EDEM1: variants seen among roughly 807,000 people sequenced by gnomAD.
The protein encoded by EDEM1 is ER degradation enhancing alpha-mannosidase like protein 1, also known as ER degradation-enhancing alpha-mannosidase-like protein 1.
EDEM1 carries 67 observed loss-of-function variants against 74.4 expected under a neutral mutation model. That is an observed-to-expected ratio of 0.90 (90% confidence interval 0.74 to 1.10). EDEM1 has a LOEUF of 1.10. EDEM1 is among the 50% of genes least tolerant of loss of function. The pLI is 0.00. For missense variants in EDEM1, 926 were observed against 851.6 expected (o/e 1.09, Z -1.09); for synonymous variants, 382 against 335.9 (o/e 1.14, Z -1.50).
chr3:5,215,461 C>T (rs1162691645), intron 11 of EDEM1, among the ~76,000 whole-genome samples: 1 of 152,172 alleles, frequency 6.6e-6, no homozygotes, highest in East Asian at 1.9e-4. Flanking sequence ...CAGTCCTGGC[C>T]ACGAAGCAGT....
At chr3:5,205,332 G>C (rs543571282) in intron 6 of EDEM1, 91 bp downstream of exon 6, 3 of 1,335,910 alleles carry the variant, frequency 2.2e-6, no homozygotes, top group Non-Finnish European at 3.1e-6. Context: ...ACAATCACAG[G>C]GTCTGTTTAT....
rs529426031 is a variant in EDEM1, at chr3:5,219,429, G to T, written c.*3511G>T. 2.0e-5 allele frequency: 3 copies of T among 152,266 alleles called. No individual in the cohort carries two copies. The East Asian group carries it at 5.8e-4, about 30-fold the overall frequency. The allele number at this position is 152,266 out of a possible 1,614,324, so 9.4% of individuals were successfully genotyped here. ...CCTATTCTAGTGCCTCTTCCCTGCA[G>T]GGCAGGGACCCCTTGGGAAATCGAG... On this transcript the variant is annotated 3_prime_UTR_variant, in exon 12 of 12. Transcript: ENST00000256497.
In EDEM1 at chr3:5,219,248, T is replaced by A. The variant is rs1463340632; in HGVS notation, c.*3330T>A. The A allele has an allele frequency of 2.0e-5, 3 of 152,218 alleles. No individual in the cohort carries two copies. Among genetic ancestry groups the A allele is most frequent in the Non-Finnish European group, 2.9e-5 (2 of 68,038 alleles). The allele number at this position is 152,218 out of a possible 1,614,324, so 9.4% of individuals were successfully genotyped here. A position where few individuals can be genotyped will look rare whatever the true frequency, so the allele number is the denominator to read the frequency against. ...GGGCACCAGGGGCCTTTCTCTTTGA[T>A]AAATTTTTTTTGTCTGTTGACAAAA... On this transcript the variant is annotated 3_prime_UTR_variant, in exon 12 of 12. Coordinates refer to ENST00000256497, the MANE Select transcript of EDEM1 (RefSeq NM_014674.3).
intron 8 of EDEM1, among the ~76,000 whole-genome samples, chr3:5,209,806 G>A (rs1229535666): frequency 6.6e-6 from 1 of 152,204 alleles, no homozygotes; most frequent in Non-Finnish European, 1.5e-5. Context: ...CTGTGCCTGT[G>A]TCTTAAGTTT....
Position 5,187,746 on chromosome 3 carries a change from G to A in EDEM1, c.-60G>A, listed in dbSNP as rs182658625. ...CCGGGCTACGGGGCGAGCGCGGGGTGCGGTGGTCGGCGGGGAGGCCCCCGC... is the reference window on the plus strand; with the variant it reads ...CCGGGCTACGGGGCGAGCGCGGGGTACGGTGGTCGGCGGGGAGGCCCCCGC... On this transcript the variant is annotated 5_prime_UTR_variant, in exon 1 of 12. Coordinates refer to ENST00000256497, the MANE Select transcript of EDEM1 (RefSeq NM_014674.3). 3,831 of 1,453,582 alleles carry A rather than the reference G, an allele frequency of 2.6e-3. 94 individuals carry two copies. The African/African-American group carries it at 0.05, about 19-fold the overall frequency. The allele number at this position is 1,453,582 out of a possible 1,614,324, so 90.0% of individuals were successfully genotyped here.
chr3:5,202,857 C>T (rs550055613), intron 4 of EDEM1, 109 bp from the exon 5 acceptor site: 384 of 915,694 alleles, frequency 4.2e-4, no homozygotes, highest in Non-Finnish European at 5.4e-4. Context: ...GGCAGACTCT[C>T]ACCGTGGTAA....
intron 3 of EDEM1, among the ~76,000 whole-genome samples, chr3:5,200,986 T>C (rs1013299391): frequency 6.6e-6 from 1 of 151,750 alleles, no homozygotes; most frequent in African/African-American, 2.4e-5. Flanking sequence ...AGCCTTGAAC[T>C]CCTGGGCTCA....
At chr3:5,204,303 T>C (rs976772044) in intron 5 of EDEM1, among the ~76,000 whole-genome samples, 4 of 152,174 alleles carry the variant, frequency 2.6e-5, no homozygotes, top group African/African-American at 9.7e-5. Context: ...TTCCAGGTTG[T>C]TGCCTTGCAT....
At chr3:5,200,978 C>A (rs1157453173) in intron 3 of EDEM1, among the ~76,000 whole-genome samples, 1 of 150,904 alleles carries the variant, frequency 6.6e-6, no homozygotes, top group Admixed American at 6.6e-5. Context: ...CTCACTGCAG[C>A]CTTGAACTCC....
chr3:5,197,579 T>C (rs928247503), intron 2 of EDEM1, among the ~76,000 whole-genome samples: 5 of 152,228 alleles, frequency 3.3e-5, no homozygotes, highest in Non-Finnish European at 5.9e-5. Context: ...CTGGTAAACA[T>C]CTGTAAGGAA....
chr3:5,217,997 T>C lies in EDEM1; in HGVS notation c.*2079T>C, dbSNP rs1483550880. On this transcript the variant is annotated 3_prime_UTR_variant, in exon 12 of 12. Coordinates refer to ENST00000256497, the MANE Select transcript of EDEM1 (RefSeq NM_014674.3). ...CGGCAGTGGTGGGTAAGCACTCCAG[T>C]GTTCTCTTAATGAGGCACTTTGCCT... 6.6e-6 allele frequency: 1 copy of C among 152,226 alleles called. No individual in the cohort carries two copies. Among genetic ancestry groups the C allele is most frequent in the African/African-American group, 2.4e-5 (1 of 41,446 alleles). 9.4% of individuals were successfully genotyped at this position (152,226 alleles called of 1,614,324 possible). A position where few individuals can be genotyped will look rare whatever the true frequency, so the allele number is the denominator to read the frequency against.
intron 10 of EDEM1, 142 bp from the exon 11 acceptor site, chr3:5,213,177 T>G: frequency 1.2e-6 from 1 of 812,584 alleles, no homozygotes; most frequent in Non-Finnish European, 1.9e-6. Flanking sequence ...CAGTTGTCAG[T>G]CAATTCCTTT....
In EDEM1 at chr3:5,216,052, T is replaced by G. The variant is rs528702311; in HGVS notation, c.*134T>G. On this transcript the variant is annotated 3_prime_UTR_variant, in exon 12 of 12. Coordinates refer to ENST00000256497, the MANE Select transcript of EDEM1 (RefSeq NM_014674.3). ...GGTGTAGGAATTTCTGTGCAACACC[T>G]CACCACGTCTGGTTAATCCTTGCAC... The G allele has an allele frequency of 4.5e-6, 3 of 663,410 alleles. No individual in the cohort carries two copies. Among genetic ancestry groups the G allele is most frequent in the South Asian group, 3.9e-5 (2 of 51,460 alleles). The allele number at this position is 663,410 out of a possible 1,614,324, so 41.1% of individuals were successfully genotyped here.
rs778779456 is a variant in EDEM1, at chr3:5,213,400, G to T, written c.1762G>T (p.Glu588Ter). ...AGAGGGACACATTGTATCTGTGGATGAGCATCTTCGGGAATTGCCATGGAA... is the reference window on the plus strand; with the variant it reads ...AGAGGGACACATTGTATCTGTGGATTAGCATCTTCGGGAATTGCCATGGAA... ...TTEGHIVSVD[E>*]HLRELPWKEF... Residue 588 changes from glutamate (E) to a stop codon, truncating the protein, a stop_gained, in exon 11 of 12, where the codon GAG becomes TAG. Transcript: ENST00000256497. LOFTEE classifies it high-confidence loss of function. 1 of 1,614,158 alleles carries T rather than the reference G, an allele frequency of 6.2e-7. No individual in the cohort carries two copies. The highest frequency in any genetic ancestry group is 8.5e-7 in the Non-Finnish European group (1 of 1,180,014).
intron 8 of EDEM1, among the ~76,000 whole-genome samples, chr3:5,209,919 A>T (rs2055148236): frequency 6.6e-6 from 1 of 152,202 alleles, no homozygotes; most frequent in South Asian, 2.1e-4. Flanking sequence ...ACCAAAGTAG[A>T]CTATTGTTCT....
At position 5,193,310 on chromosome 3, in the gene EDEM1, G is replaced by A. The variant is rs184447488; in HGVS notation, c.510-1899G>A. Among the ~76,000 whole-genome samples the A allele has an allele frequency of 1.0e-3, 155 of 152,292 alleles. 1 individual carries two copies. The highest frequency in any genetic ancestry group is 3.6e-3 in the African/African-American group (151 of 41,552). ...CATTCTTGAGTTGGCAGAATTGGGC[G>A]TAAGGATCTCCCTGTCTCCTTTGAG... On this transcript the variant is annotated intron_variant, in intron 1 of 11. Coordinates refer to ENST00000256497, the MANE Select transcript of EDEM1 (RefSeq NM_014674.3).
At chr3:5,189,038 C>T (rs2106582909) in intron 1 of EDEM1, among the ~76,000 whole-genome samples, 1 of 152,298 alleles carries the variant, frequency 6.6e-6, no homozygotes, top group Admixed American at 6.5e-5. Flanking sequence ...CGTGGTTGTC[C>T]GGGAAGGTCA....
intron 10 of EDEM1, among the ~76,000 whole-genome samples, chr3:5,212,679 A>T (rs2055182233): frequency 6.6e-6 from 1 of 152,192 alleles, no homozygotes; most frequent in African/African-American, 2.4e-5. Flanking sequence ...TTCAACATTC[A>T]CAGAACACTT....
chr3:5,210,476 T>G (rs1316612325), intron 9 of EDEM1, among the ~76,000 whole-genome samples: 1 of 152,210 alleles, frequency 6.6e-6, no homozygotes, highest in Non-Finnish European at 1.5e-5. Context: ...CATTCTAACT[T>G]CTTTCCCCTA....
Sources: allele counts gnomAD v4.1 joint callset (sites outside exome capture counted in the v4.1 genomes callset), GRCh38; gene constraint gnomAD v4.1.1; transcripts MANE v1.5; gene names NCBI Gene and HGNC (gene_info 2026-07-23, HGNC 2026-07-21).